JAZF1: variants seen among roughly 807,000 people sequenced by gnomAD.
JAZF1 encodes the protein juxtaposed with another zinc finger protein 1.
JAZF1 carries 8 observed loss-of-function variants against 26.4 expected under a neutral mutation model. That is an observed-to-expected ratio of 0.30 (90% confidence interval 0.18 to 0.55). The LOEUF (loss-of-function observed/expected upper bound fraction) is 0.55. Ranked by LOEUF, JAZF1 falls within the 20% of genes least tolerant of loss-of-function variation. The probability of loss-of-function intolerance (pLI) is 0.94; values close to 1 mark genes in which losing one functional copy is unlikely to be tolerated. For synonymous variants in JAZF1, 126 were observed against 122.3 expected (o/e 1.03, Z -0.20); for missense variants, 199 against 322.0 (o/e 0.62, Z 2.92).
chr7:27,832,789 T>C lies in JAZF1; in HGVS notation c.*11A>G. The stretch of plus-strand genomic sequence containing the variant: ...TGGTGAGGATTTCTTGGCACAGTTA[T>C]GACCAGCATGTTATTGCTGCATCTT... On this transcript the variant is annotated 3_prime_UTR_variant, in exon 5 of 5. Coordinates refer to ENST00000283928, the MANE Select transcript of JAZF1 (RefSeq NM_175061.4). 1.9e-6 allele frequency: 3 copies of C among 1,551,398 alleles called. No homozygotes were observed. Among genetic ancestry groups the C allele is most frequent in the Non-Finnish European group, 2.6e-6 (3 of 1,144,758 alleles).
intron 2 of JAZF1, among the ~76,000 whole-genome samples, chr7:27,983,396 AG>A (rs1395865951): frequency 6.6e-6 from 1 of 152,238 alleles, no homozygotes; most frequent in African/African-American, 2.4e-5. Context: ...AGAAGTTTAG[AG>A]AAAAAAGAGT....
intron 2 of JAZF1, among the ~76,000 whole-genome samples, chr7:27,964,507 A>T (rs1785239716): frequency 1.3e-5 from 2 of 152,100 alleles, no homozygotes; most frequent in Non-Finnish European, 2.9e-5. Context: ...ATAAAATTAG[A>T]ATGGGACTCA....
At chr7:27,843,302 A>G (rs554755325) in intron 3 of JAZF1, 47 of 152,356 alleles carry the variant, frequency 3.1e-4, no homozygotes, top group African/African-American at 1.1e-3. Context: ...ACCTGGGTTC[A>G]TGCCTTTGCT....
chr7:27,917,964 T>C (rs1445586253), intron 2 of JAZF1, among the ~76,000 whole-genome samples: 2 of 152,206 alleles, frequency 1.3e-5, no homozygotes, highest in Non-Finnish European at 2.9e-5. Context: ...TGAGGTTACA[T>C]ACGGGCAGAT....
intron 1 of JAZF1, among the ~76,000 whole-genome samples, chr7:28,085,733 T>C (rs886588765): frequency 1.3e-5 from 2 of 152,238 alleles, no homozygotes; most frequent in Non-Finnish European, 2.9e-5. Context: ...AGAGCCATAT[T>C]GACAGATTCT....
intron 1 of JAZF1, among the ~76,000 whole-genome samples, chr7:28,102,035 C>A (rs945739340): frequency 6.6e-5 from 10 of 152,136 alleles, no homozygotes; most frequent in African/African-American, 2.4e-4. Context: ...AGTGGCAGAA[C>A]TGGGGAGTGG....
At chr7:27,849,492 T>G (rs1019310826) in intron 3 of JAZF1, among the ~76,000 whole-genome samples, 6 of 152,176 alleles carry the variant, frequency 3.9e-5, no homozygotes, top group Non-Finnish European at 5.9e-5. Flanking sequence ...TCATCTTTCT[T>G]GGGTTGAGTT....
At chr7:27,931,252 AAATG>A (rs1158848483) in intron 2 of JAZF1, among the ~76,000 whole-genome samples, 2 of 152,224 alleles carry the variant, frequency 1.3e-5, no homozygotes, top group African/African-American at 4.8e-5. Flanking sequence ...ATTCATACAT[AAATG>A]AATATGTCTG....
At position 27,832,836 on chromosome 7, in the gene JAZF1, C is replaced by T. The variant is rs772312563; in HGVS notation, c.696G>A (p.Pro232=). The change falls in exon 5 of 5, where the codon CCG becomes CCA. Residue 232 remains proline (P), a synonymous_variant. Transcript: ENST00000283928. ...LRHHTINFHP[P]VSAEIIRKMQ... The stretch of plus-strand genomic sequence containing the variant: ...TCTTCCTGATAATCTCAGCCGACAC[C>T]GGGGGATGGAAATTGATTGTGTGGT... 43 of 1,606,882 alleles carry T rather than the reference C, an allele frequency of 2.7e-5. No individual in the cohort carries two copies. The highest frequency in any genetic ancestry group is 1.0e-4 in the Admixed American group (6 of 58,690).
chr7:28,135,862 G>A (rs74590541), intron 1 of JAZF1, among the ~76,000 whole-genome samples: 252 of 152,258 alleles, frequency 1.7e-3, no homozygotes, highest in African/African-American at 5.8e-3. Flanking sequence ...TAACTAGGTG[G>A]ATGGAGATTA....
At chr7:27,878,332 C>T (rs1213134083) in intron 3 of JAZF1, among the ~76,000 whole-genome samples, 2 of 151,988 alleles carry the variant, frequency 1.3e-5, no homozygotes, top group African/African-American at 4.8e-5. Context: ...GACCATGATC[C>T]ATTGAAAAAT....
intron 2 of JAZF1, among the ~76,000 whole-genome samples, chr7:27,989,686 C>T (rs1785854390): frequency 6.6e-6 from 1 of 152,158 alleles, no homozygotes; most frequent in African/African-American, 2.4e-5. Context: ...TGAAAAAATG[C>T]TCATCATCAC....
intron 1 of JAZF1, among the ~76,000 whole-genome samples, chr7:28,000,768 G>A (rs1004225587): frequency 7.3e-5 from 11 of 151,496 alleles, no homozygotes; most frequent in African/African-American, 1.2e-4. Context: ...ACAGGCATCC[G>A]CCACCACACC....
chr7:27,966,601 T>G (rs1420471323), intron 2 of JAZF1, among the ~76,000 whole-genome samples: 1 of 152,196 alleles, frequency 6.6e-6, no homozygotes, highest in Non-Finnish European at 1.5e-5. Flanking sequence ...GCAGTTCCCC[T>G]TTATCTGAGT....
chr7:27,907,158 T>C (rs1489051656), intron 2 of JAZF1, among the ~76,000 whole-genome samples: 5 of 152,212 alleles, frequency 3.3e-5, no homozygotes, highest in African/African-American at 9.6e-5. Flanking sequence ...TCTGAGTTAG[T>C]TGGTGTTCAA....
intron 1 of JAZF1, among the ~76,000 whole-genome samples, chr7:28,156,783 A>C (rs1420933604): frequency 6.6e-6 from 1 of 152,198 alleles, no homozygotes; most frequent in African/African-American, 2.4e-5. Flanking sequence ...CTGCTCTATA[A>C]GCAAGAGTAC....
rs566503591 is a variant in JAZF1 at position 27,928,271 on chromosome 7, C to T, written c.189-32855G>A. ...ATGAAAAGTAGAAACTTTTCATTGC[C>T]AGTGCAGCTTAAGCCTAATACAGAT... On this transcript the variant is annotated intron_variant, in intron 2 of 4. Transcript: ENST00000283928. Among the ~76,000 whole-genome samples, 4 of 152,312 alleles carry T rather than the reference C, an allele frequency of 2.6e-5. No individual in the cohort carries two copies. The South Asian group carries it at 8.3e-4, about 32-fold the overall frequency.
chr7:28,173,113 G>A (rs1783498082), intron 1 of JAZF1, among the ~76,000 whole-genome samples: 1 of 152,200 alleles, frequency 6.6e-6, no homozygotes, highest in Admixed American at 6.5e-5. Context: ...GGTGGGCCCT[G>A]GCAATATATT....
At chr7:28,027,289 C>T (rs1783110062) in intron 1 of JAZF1, among the ~76,000 whole-genome samples, 2 of 152,172 alleles carry the variant, frequency 1.3e-5, no homozygotes, top group African/African-American at 4.8e-5. Context: ...AAAGTGGTTC[C>T]TACTGCTGGC....
Sources: allele counts gnomAD v4.1 joint callset (sites outside exome capture counted in the v4.1 genomes callset), GRCh38; gene constraint gnomAD v4.1.1; transcripts MANE v1.5; gene names NCBI Gene and HGNC (gene_info 2026-07-23, HGNC 2026-07-21).